IL4: variants seen among roughly 807,000 people sequenced by gnomAD.
IL4 encodes the protein interleukin-4.
IL4 carries 10 observed loss-of-function variants against 17.4 expected under a neutral mutation model. The observed-to-expected ratio is 0.57, with a 90% CI of 0.35 to 0.97. IL4 has a LOEUF of 0.97. Among genes scored for constraint, IL4 ranks in the 50% least tolerant of loss-of-function variants. IL4 has a pLI of 0.01. For missense variants in IL4, 174 were observed against 187.7 expected, an observed-to-expected ratio of 0.93 and a Z score of 0.43; for synonymous variants, 87 against 79.0, an observed-to-expected ratio of 1.10 and a Z score of -0.54.
intron 3 of IL4, among the ~76,000 whole-genome samples, chr5:132,681,140 A>G (rs1752479603): frequency 6.6e-6 from 1 of 152,218 alleles, no homozygotes; most frequent in Non-Finnish European, 1.5e-5. Context: ...CCTTAGATAG[A>G]TACTGCTGAA....
chr5:132,682,255 A>C (rs1270653217), intron 3 of IL4, among the ~76,000 whole-genome samples: 1 of 152,136 alleles, frequency 6.6e-6, no homozygotes, highest in Non-Finnish European at 1.5e-5. Context: ...CCACCCCAAA[A>C]GCAGATAGGT....
At chr5:132,675,849 ATGTG>A (rs58175446) in intron 2 of IL4, among the ~76,000 whole-genome samples, 3,867 of 144,992 alleles carry the variant, frequency 0.027, 73 homozygotes, top group Admixed American at 0.063. Context: ...GCAACAGTTT[ATGTG>A]TGTGTGTGTG....
rs1488605143 is a variant in IL4, at chr5:132,680,347, T to C, written c.360+457T>C. Among the ~76,000 whole-genome samples, 1 of 152,088 alleles carries C rather than the reference T, an allele frequency of 6.6e-6. No individual in the cohort carries two copies. Among genetic ancestry groups the C allele is most frequent in the Non-Finnish European group, 1.5e-5 (1 of 68,028 alleles). ...GTATGCAAAGGCCTTAGGATGGAAA[T>C]GAACTAACTTCCTGTATTTAAAGAC... On this transcript the variant is annotated intron_variant, in intron 3 of 3. Transcript: ENST00000231449. The surrounding 1 kb of genome is among the most constrained non-coding windows in gnomAD (Gnocchi z 4.3).
chr5:132,674,710 G>C (rs951498070), intron 2 of IL4, among the ~76,000 whole-genome samples: 1 of 152,198 alleles, frequency 6.6e-6, no homozygotes, highest in African/African-American at 2.4e-5. Context: ...ACATGTAATA[G>C]AAAGCTTACA....
intron 3 of IL4, 53 bp downstream of exon 3, chr5:132,679,943 C>G: frequency 2.7e-6 from 4 of 1,475,284 alleles, no homozygotes; most frequent in Non-Finnish European, 3.7e-6. Context: ...TGGTGGACAG[C>G]AGCCTCACTT....
intron 3 of IL4, among the ~76,000 whole-genome samples, chr5:132,681,534 T>G (rs1752488869): frequency 6.6e-6 from 1 of 152,156 alleles, no homozygotes; most frequent in Non-Finnish European, 1.5e-5. Context: ...TGTTTAGCTA[T>G]AAGGCTGCAG....
In IL4 at chr5:132,679,809, T is replaced by A. The variant is rs1174158308; in HGVS notation, c.279T>A (p.Thr93=). Residue 93 remains threonine (T), a synonymous_variant, in exon 3 of 4, where the codon ACT becomes ACA. Coordinates refer to ENST00000231449, the MANE Select transcript of IL4 (RefSeq NM_000589.4). ...HEKDTRCLGA[T]AQQFHRHKQL... is the part of the protein sequence containing the mutation. ...AGGACACTCGCTGCCTGGGTGCGAC[T>A]GCACAGCAGTTCCACAGGCACAAGC... The A allele has an allele frequency of 1.2e-6, 2 of 1,613,892 alleles. No homozygotes were observed. The highest frequency in any genetic ancestry group is 2.7e-5 in the African/African-American group (2 of 74,944).
At position 132,680,188 on chromosome 5, in the gene IL4, T is replaced by C. The variant is rs911469743; in HGVS notation, c.360+298T>C. On this transcript the variant is annotated intron_variant, in intron 3 of 3. Coordinates refer to ENST00000231449, the MANE Select transcript of IL4 (RefSeq NM_000589.4). The surrounding 1 kb of genome is among the most constrained non-coding windows in gnomAD (Gnocchi z 4.3). ...GTGATACGTGCTACAAAGAAAAACA[T>C]AGAAATAAAGAACATAAGAGTCATG... 2.0e-5 allele frequency among the ~76,000 whole-genome samples: 3 copies of C among 151,820 alleles called. No homozygotes were observed. Among genetic ancestry groups the C allele is most frequent in the Non-Finnish European group, 4.4e-5 (3 of 67,968 alleles).
At position 132,682,550 on chromosome 5, in the gene IL4, C is replaced by G. The variant is rs145068648; in HGVS notation, c.425C>G (p.Thr142Arg). Residue 142 changes from threonine (T) to arginine (R), a missense_variant, in exon 4 of 4, where the codon ACG becomes AGG. Thr to Arg is a moderately conservative substitution (Grantham distance 71). Coordinates refer to ENST00000231449, the MANE Select transcript of IL4 (RefSeq NM_000589.4). The part of the protein sequence containing the change: ...TLENFLERLK[T>R]IMREKYSKCS... ...GAAAACTTCTTGGAAAGGCTAAAGA[C>G]GATCATGAGAGAGAAATATTCAAAG... The G allele has an allele frequency of 2.5e-6, 4 of 1,609,358 alleles. No homozygotes were observed. The highest frequency in any genetic ancestry group is 2.2e-5 in the East Asian group (1 of 44,760).
In IL4 at chr5:132,682,485, G is replaced by T. The variant is rs781537325; in HGVS notation, c.361-1G>T. On this transcript the variant is annotated splice_acceptor_variant, in intron 3 of 3. Transcript: ENST00000231449. LOFTEE classifies it high-confidence loss of function. ...AAGCTAATGAAATGTTTCTTTTGCA[G>T]AATTCCTGTCCTGTGAAGGAAGCCA... 1 of 1,578,836 alleles carries T rather than the reference G, an allele frequency of 6.3e-7. No homozygotes were observed. Among genetic ancestry groups the T allele is most frequent in the Non-Finnish European group, 8.7e-7 (1 of 1,149,828 alleles).
Position 132,675,847 on chromosome 5 carries a change from T to TTGTGTG in IL4, c.183+1342_183+1343insGTGTGT, listed in dbSNP as rs1232830673. Reference sequence around the variant, plus strand: ...TTAGCCACTGCACCTGGGCAACAGTTTATGTGTGTGTGTGTGTGTGTGTGT... The same window carrying TTGTGTG: ...TTAGCCACTGCACCTGGGCAACAGTTTGTGTGTATGTGTGTGTGTGTGTGTGTGTGT... On this transcript the variant is annotated intron_variant, in intron 2 of 3. Transcript: ENST00000231449. Among the ~76,000 whole-genome samples the TTGTGTG allele has an allele frequency of 8.8e-5, 6 of 67,920 alleles. No individual in the cohort carries two copies. The South Asian group carries it at 2.4e-3, about 27-fold the overall frequency. The allele number at this position is 67,920 out of a possible 152,430, so 44.6% of individuals were successfully genotyped here.
intron 2 of IL4, among the ~76,000 whole-genome samples, chr5:132,676,590 C>A (rs1284133424): frequency 6.6e-6 from 1 of 152,160 alleles, no homozygotes; most frequent in Non-Finnish European, 1.5e-5. Context: ...CACTCTTACC[C>A]GTCTCATTTG....
At position 132,680,912 on chromosome 5, in the gene IL4, T is replaced by A. The variant is rs1752476059; in HGVS notation, c.360+1022T>A. 6.6e-6 allele frequency among the ~76,000 whole-genome samples: 1 copy of A among 152,228 alleles called. No individual in the cohort carries two copies. The highest frequency in any genetic ancestry group is 1.5e-5 in the Non-Finnish European group (1 of 68,042). ...GAGGAAAAGATGACCTCTTTGTTCCTGCCCAAACCCCTCTGGCGATGGTCA... is the reference window on the plus strand; with the variant it reads ...GAGGAAAAGATGACCTCTTTGTTCCAGCCCAAACCCCTCTGGCGATGGTCA... On this transcript the variant is annotated intron_variant, in intron 3 of 3. Transcript: ENST00000231449. This position sits in a 1 kb window ranked among gnomAD's most constrained non-coding sequence, Gnocchi z 4.3.
At position 132,674,149 on chromosome 5, in the gene IL4, G is replaced by A; in HGVS notation, c.99G>A (p.Glu33=). ...ACAAGTGCGATATCACCTTACAGGA[G>A]ATCATCAAAACTTTGAACAGCCTCA... The part of the protein sequence containing the change: ...HGHKCDITLQ[E]IIKTLNSLTE... Residue 33 remains glutamate, a synonymous_variant, in exon 1 of 4, where the codon GAG becomes GAA. Coordinates refer to ENST00000231449, the MANE Select transcript of IL4 (RefSeq NM_000589.4). 6.2e-7 allele frequency: 1 copy of A among 1,614,140 alleles called. No homozygotes were observed.
intron 2 of IL4, among the ~76,000 whole-genome samples, chr5:132,678,862 T>C (rs1010208207): frequency 2.6e-5 from 4 of 152,238 alleles, no homozygotes; most frequent in Non-Finnish European, 5.9e-5. Context: ...ACAATCCCTC[T>C]CCTGGGTTCC....
intron 1 of IL4, 134 bp from the exon 2 acceptor site, chr5:132,674,325 C>G: frequency 7.5e-7 from 1 of 1,331,932 alleles, no homozygotes; most frequent in South Asian, 1.3e-5. Flanking sequence ...AGGCTTCTCC[C>G]CTGCCACTCT....
chr5:132,674,559 A>G (rs2149878863), intron 2 of IL4, 53 bp downstream of exon 2: 1 of 1,420,586 alleles, frequency 7.0e-7, no homozygotes, highest in Non-Finnish European at 1.0e-6. Flanking sequence ...CCATCCCCAA[A>G]TGTCTGAACA....
In IL4 at chr5:132,679,595, T is replaced by C. The variant is rs1752444755; in HGVS notation, c.184-119T>C. 4 of 839,054 alleles carry C rather than the reference T, an allele frequency of 4.8e-6. No homozygotes were observed. In the Admixed American group the frequency reaches 9.1e-5, roughly 19 times the overall value. 52.0% of individuals were successfully genotyped at this position (839,054 alleles called of 1,614,324 possible). On this transcript the variant is annotated intron_variant, in intron 2 of 3. Coordinates refer to ENST00000231449, the MANE Select transcript of IL4 (RefSeq NM_000589.4). ...AGTGGAATACTTGAAGACAGGTCTG[T>C]AGTTGAGCAAACTCACCTCCATTTG...
intron 3 of IL4, among the ~76,000 whole-genome samples, chr5:132,682,247 A>C (rs1205857552): frequency 2.0e-5 from 3 of 147,530 alleles, no homozygotes; most frequent in Non-Finnish European, 3.0e-5. Context: ...CGCGCCACCC[A>C]CCCCAAAAGC....
Sources: gnomAD v4.1 joint callset for allele counts (sites outside exome capture counted in the v4.1 genomes callset) on GRCh38, gnomAD v4.1.1 for gene constraint, Gnocchi (gnomAD v3.1) non-coding constraint, MANE v1.5 for transcripts, NCBI Gene and HGNC (gene_info 2026-07-23, HGNC 2026-07-21) for gene names.